The following TMEM132C variants were observed in gnomAD, a reference collection of about 807,000 sequenced individuals.
TMEM132C encodes the protein protein phosphatase 1, regulatory subunit 152.
In TMEM132C, 29 loss-of-function variants were observed where a neutral mutation model predicts 61.4. That is an observed-to-expected ratio of 0.47 (90% CI 0.35 to 0.64). The LOEUF is 0.64. TMEM132C is among the 30% of genes least tolerant of loss of function. TMEM132C has a pLI of 0.00. For synonymous variants in TMEM132C, 656 were observed against 633.1 expected (o/e 1.04, Z -0.54); for missense variants, 1,408 against 1,476.9 (o/e 0.95, Z 0.76).
chr12:128,517,249 T>TA (rs938665663), intron 2 of TMEM132C, among the ~76,000 whole-genome samples: 26 of 148,120 alleles, frequency 1.8e-4, no homozygotes, highest in African/African-American at 6.5e-4. Context: ...AATAAATAAA[T>TA]AAATAAATAA....
At chr12:128,699,617 T>C (rs1304789718) in intron 8 of TMEM132C, among the ~76,000 whole-genome samples, 1 of 152,182 alleles carries the variant, frequency 6.6e-6, no homozygotes, top group Non-Finnish European at 1.5e-5. Context: ...TGTCACCAGC[T>C]AGAGAAATCG....
At chr12:128,300,124 C>T (rs1043047809) in intron 1 of TMEM132C, among the ~76,000 whole-genome samples, 9 of 152,180 alleles carry the variant, frequency 5.9e-5, no homozygotes, top group African/African-American at 1.4e-4. Context: ...TAGCCATAAG[C>T]GTAAGCCAAA....
At chr12:128,660,543 C>T (rs1160040072) in intron 4 of TMEM132C, among the ~76,000 whole-genome samples, 2 of 152,192 alleles carry the variant, frequency 1.3e-5, no homozygotes, top group African/African-American at 4.8e-5. Flanking sequence ...GTAAGGCAGG[C>T]TAATTCCTGC....
At chr12:128,393,180 A>G (rs1332578444) in intron 1 of TMEM132C, among the ~76,000 whole-genome samples, 1 of 152,232 alleles carries the variant, frequency 6.6e-6, no homozygotes, top group Non-Finnish European at 1.5e-5. Context: ...CAGTCAACCT[A>G]TAACACTGAA....
rs148780648 is a variant in TMEM132C at position 128,648,516 on chromosome 12, G to A, written c.1306-20901G>A. The stretch of plus-strand genomic sequence containing the variant: ...AGTGTGTTTACTGGAGTCTGTCAGC[G>A]TTGGATGAGTGTGTTTACTGGAGTC... On this transcript the variant is annotated intron_variant, in intron 4 of 8. Transcript: ENST00000435159. Among the ~76,000 whole-genome samples, 28 of 147,808 alleles carry A rather than the reference G, an allele frequency of 1.9e-4. 2 individuals are homozygous for A. Among genetic ancestry groups the A allele is most frequent in the East Asian group, 1.7e-3 (8 of 4,774 alleles).
At chr12:128,331,999 GT>G (rs1470112384) in intron 1 of TMEM132C, among the ~76,000 whole-genome samples, 214 of 152,250 alleles carry the variant, frequency 1.4e-3, no homozygotes, top group African/African-American at 4.6e-3. Context: ...CAACATGATA[GT>G]TTCAAGCTCA....
intron 2 of TMEM132C, among the ~76,000 whole-genome samples, chr12:128,526,613 T>C (rs1163455590): frequency 2.0e-5 from 3 of 152,170 alleles, no homozygotes; most frequent in Non-Finnish European, 2.9e-5. Context: ...ACAAAAAGTA[T>C]TAACTGTATA....
intron 4 of TMEM132C, among the ~76,000 whole-genome samples, chr12:128,634,916 G>T (rs143038503): frequency 6.6e-6 from 1 of 152,214 alleles, no homozygotes; most frequent in Non-Finnish European, 1.5e-5. Context: ...CCTGGAAAAG[G>T]CTGGATTTAT....
intron 2 of TMEM132C, among the ~76,000 whole-genome samples, chr12:128,504,288 T>G (rs1872278980): frequency 6.6e-6 from 1 of 152,186 alleles, no homozygotes; most frequent in Admixed American, 6.5e-5. Flanking sequence ...TATGCTCTTT[T>G]GGCCAAAAGA....
chr12:128,514,220 T>C (rs550907734), intron 2 of TMEM132C, among the ~76,000 whole-genome samples: 4 of 152,302 alleles, frequency 2.6e-5, no homozygotes, highest in Non-Finnish European at 4.4e-5. Flanking sequence ...ATTTTGTAAG[T>C]GGATAGTTCA....
intron 3 of TMEM132C, among the ~76,000 whole-genome samples, chr12:128,613,167 G>A (rs962316092): frequency 3.3e-5 from 5 of 152,178 alleles, no homozygotes; most frequent in Admixed American, 3.3e-4. Context: ...AATACTAAGG[G>A]AAGTGAATTA....
intron 2 of TMEM132C, among the ~76,000 whole-genome samples, chr12:128,482,432 TTTG>T (rs561416460): frequency 1.5e-4 from 23 of 152,188 alleles, no homozygotes; most frequent in Non-Finnish European, 1.2e-4. Context: ...GACCTGAATT[TTTG>T]TTGTTGTCGT....
chr12:128,297,658 G>A (rs1871454712), intron 1 of TMEM132C, among the ~76,000 whole-genome samples: 1 of 152,176 alleles, frequency 6.6e-6, no homozygotes, highest in Admixed American at 6.5e-5. Context: ...TTTTCAGAGA[G>A]TGTAGCAGTG....
At chr12:128,646,148 G>A (rs1954195934) in intron 4 of TMEM132C, among the ~76,000 whole-genome samples, 1 of 152,184 alleles carries the variant, frequency 6.6e-6, no homozygotes, top group African/African-American at 2.4e-5. Flanking sequence ...TTGGATGAGT[G>A]TGTTTACTGG....
At chr12:128,600,369 T>G (rs1030638745) in intron 3 of TMEM132C, among the ~76,000 whole-genome samples, 5 of 152,204 alleles carry the variant, frequency 3.3e-5, no homozygotes, top group African/African-American at 7.2e-5. Flanking sequence ...TGTTTACTTC[T>G]CCTTCCACCA....
chr12:128,302,982 C>T (rs574564477), intron 1 of TMEM132C, among the ~76,000 whole-genome samples: 7 of 152,298 alleles, frequency 4.6e-5, no homozygotes, highest in Non-Finnish European at 8.8e-5. Flanking sequence ...GCAATGTGTG[C>T]CCCCACCTGA....
intron 1 of TMEM132C, among the ~76,000 whole-genome samples, chr12:128,402,545 G>A (rs567648866): frequency 2.1e-4 from 32 of 152,282 alleles, no homozygotes; most frequent in Middle Eastern, 6.8e-3. Flanking sequence ...TTCCAGCAGC[G>A]TAGGAAACTG....
intron 3 of TMEM132C, among the ~76,000 whole-genome samples, chr12:128,554,492 G>T (rs1874270612): frequency 6.6e-6 from 1 of 152,186 alleles, no homozygotes; most frequent in Non-Finnish European, 1.5e-5. Flanking sequence ...AAATCCCTGT[G>T]CAAATCAAAC....
At chr12:128,375,319 G>T (rs182522450) in intron 1 of TMEM132C, among the ~76,000 whole-genome samples, 1 of 152,232 alleles carries the variant, frequency 6.6e-6, no homozygotes, top group African/African-American at 2.4e-5. Flanking sequence ...ACCCCGCACT[G>T]GGTGGCATGA....
Sources: allele counts gnomAD v4.1 joint callset (sites outside exome capture counted in the v4.1 genomes callset), GRCh38; gene constraint gnomAD v4.1.1; transcripts MANE v1.5; gene names NCBI Gene and HGNC (gene_info 2026-07-23, HGNC 2026-07-21).